CRIPT: variants seen among roughly 807,000 people sequenced by gnomAD.
The protein encoded by CRIPT is CXXC repeat containing interactor of PDZ3 domain.
A neutral mutation model predicts 16.6 loss-of-function variants in CRIPT; 20 were observed. That is an observed-to-expected ratio of 1.20 (90% CI 0.85 to 1.75). The LOEUF (loss-of-function observed/expected upper bound fraction) is 1.75, where lower values mean the gene tolerates loss of function less well. Among genes scored for constraint, CRIPT ranks in the 40% most tolerant of loss-of-function variants. The pLI is 0.00. For synonymous variants in CRIPT, 42 were observed against 37.0 expected (o/e 1.14, Z -0.49); for missense variants, 133 against 115.3 (o/e 1.15, Z -0.70).
At chr2:46,623,057 T>C (rs988415243) in intron 3 of CRIPT, among the ~76,000 whole-genome samples, 4 of 152,158 alleles carry the variant, frequency 2.6e-5, no homozygotes, top group Non-Finnish European at 5.9e-5. Context: ...CATTTTTATA[T>C]AGTGGAAGCC....
At position 46,628,818 on chromosome 2, in the gene CRIPT, G is replaced by T. The variant is rs1671005872; in HGVS notation, c.*4591G>T. Among the ~76,000 whole-genome samples the T allele has an allele frequency of 2.0e-5, 3 of 152,018 alleles. No homozygotes were observed. Among genetic ancestry groups the T allele is most frequent in the Admixed American group, 2.0e-4 (3 of 15,266 alleles). On this transcript the variant is annotated 3_prime_UTR_variant, in exon 5 of 5. Transcript: ENST00000238892. ...ACATGAACATAAAATATTTTTAAAA[G>T]GAAGACATACAAACAGACACTATAA...
intron 1 of CRIPT, 70 bp downstream of exon 1, chr2:46,617,368 T>C: frequency 1.3e-6 from 2 of 1,505,308 alleles, no homozygotes; most frequent in East Asian, 2.5e-5. Context: ...CCGGGAACTT[T>C]GCTTTCTCGT....
chr2:46,627,989 C>T lies in CRIPT; in HGVS notation c.*3762C>T, dbSNP rs80330582. On this transcript the variant is annotated 3_prime_UTR_variant, in exon 5 of 5. Transcript: ENST00000238892. ...GGTCTGTTTTTATATCTGTACCATG[C>T]TGTTTTGGTTACTGTAGCTTCCTTA... is the stretch of plus-strand genomic sequence containing the variant. Among the ~76,000 whole-genome samples, 61 of 151,984 alleles carry T rather than the reference C, an allele frequency of 4.0e-4. No individual in the cohort carries two copies. Among genetic ancestry groups the T allele is most frequent in the African/African-American group, 1.4e-3 (60 of 41,448 alleles).
Position 46,625,944 on chromosome 2 carries a change from T to C in CRIPT, c.*1717T>C, listed in dbSNP as rs1353091594. 2.0e-5 allele frequency among the ~76,000 whole-genome samples: 3 copies of C among 152,210 alleles called. No individual in the cohort carries two copies. The highest frequency in any genetic ancestry group is 2.9e-5 in the Non-Finnish European group (2 of 68,036). On this transcript the variant is annotated 3_prime_UTR_variant, in exon 5 of 5. Transcript: ENST00000238892. ...TTTTTTTTGTTGTTGTTGTTGTTTT[T>C]ATAATTTCAACTTTTATTTTAGATG...
In CRIPT at chr2:46,625,088, T is replaced by C. The variant is rs1670902650; in HGVS notation, c.*861T>C. On this transcript the variant is annotated 3_prime_UTR_variant, in exon 5 of 5. Transcript: ENST00000238892. ...ATTTGTTTGTTTTTTTTTTTTTTTTTTGGATACAAGAGCTCACTCTGTTGC... is the reference window on the plus strand; with the variant it reads ...ATTTGTTTGTTTTTTTTTTTTTTTTCTGGATACAAGAGCTCACTCTGTTGC... The C allele has an allele frequency of 6.7e-6, 1 of 150,062 alleles. No individual in the cohort carries two copies. The highest frequency in any genetic ancestry group is 1.5e-5 in the Non-Finnish European group (1 of 67,582). The allele number at this position is 150,062 out of a possible 1,614,324, so 9.3% of individuals were successfully genotyped here.
rs1670684522 is a variant in CRIPT at position 46,617,316 on chromosome 2, T to G, written c.16+18T>G. ...CGAAAAATGTGAGTTAAGGGGCCGC[T>G]TCTGCGGGAGGAGGAGGCTGGGAGA... On this transcript the variant is annotated intron_variant, in intron 1 of 4. Coordinates refer to ENST00000238892, the MANE Select transcript of CRIPT (RefSeq NM_014171.6). 4 of 1,553,598 alleles carry G rather than the reference T, an allele frequency of 2.6e-6. No homozygotes were observed. Among genetic ancestry groups the G allele is most frequent in the Non-Finnish European group, 3.5e-6 (4 of 1,147,706 alleles).
At chr2:46,619,211 A>AT (rs1670745423) in intron 2 of CRIPT, among the ~76,000 whole-genome samples, 1 of 152,068 alleles carries the variant, frequency 6.6e-6, no homozygotes, top group Non-Finnish European at 1.5e-5. Context: ...GCTTTAACCC[A>AT]TTTTACCTTC....
rs1671030403 is a variant in CRIPT at position 46,629,940 on chromosome 2, TA to T, written c.*5715del. 6.6e-6 allele frequency among the ~76,000 whole-genome samples: 1 copy of T among 152,220 alleles called. No individual in the cohort carries two copies. The highest frequency in any genetic ancestry group is 1.5e-5 in the Non-Finnish European group (1 of 68,028). On this transcript the variant is annotated 3_prime_UTR_variant, in exon 5 of 5. Coordinates refer to ENST00000238892, the MANE Select transcript of CRIPT (RefSeq NM_014171.6). ...GATGTTTCCAAAATTGTGATTGTTC[TA>T]ACTCTATTATTATTTCTGTATTAAT...
At position 46,624,300 on chromosome 2, in the gene CRIPT, A is replaced by G. The variant is rs1670882596; in HGVS notation, c.*73A>G. The G allele has an allele frequency of 2.2e-6, 2 of 923,850 alleles. No homozygotes were observed. Among genetic ancestry groups the G allele is most frequent in the South Asian group, 2.0e-5 (1 of 50,348 alleles). 57.2% of individuals were successfully genotyped at this position (923,850 alleles called of 1,614,324 possible). On this transcript the variant is annotated 3_prime_UTR_variant, in exon 5 of 5. Coordinates refer to ENST00000238892, the MANE Select transcript of CRIPT (RefSeq NM_014171.6). Reference sequence around the variant, plus strand: ...TTGAATTTTCAAGGCATAGATGTCAACTTACAGAATAACATGTTTTAAGAT... The same window carrying G: ...TTGAATTTTCAAGGCATAGATGTCAGCTTACAGAATAACATGTTTTAAGAT...
chr2:46,628,267 A>G lies in CRIPT; in HGVS notation c.*4040A>G, dbSNP rs944666477. On this transcript the variant is annotated 3_prime_UTR_variant, in exon 5 of 5. Coordinates refer to ENST00000238892, the MANE Select transcript of CRIPT (RefSeq NM_014171.6). ...CTGGGATTACAGGAGCCCGCCAACC[A>G]TGCCCAGCTAATTTATGTAATTTTA... is the stretch of plus-strand genomic sequence containing the variant. Among the ~76,000 whole-genome samples, 3 of 151,838 alleles carry G rather than the reference A, an allele frequency of 2.0e-5. No homozygotes were observed. The highest frequency in any genetic ancestry group is 7.3e-5 in the African/African-American group (3 of 41,336).
intron 4 of CRIPT, 73 bp from the exon 5 acceptor site, chr2:46,624,090 A>G: frequency 1.1e-6 from 1 of 914,404 alleles, no homozygotes; most frequent in Non-Finnish European, 1.6e-6. Context: ...ATTATGTTTT[A>G]AGCTTCAGGA....
In CRIPT at chr2:46,629,590, T is replaced by C. The variant is rs1178604016; in HGVS notation, c.*5363T>C. 6.6e-6 allele frequency among the ~76,000 whole-genome samples: 1 copy of C among 152,178 alleles called. No homozygotes were observed. The highest frequency in any genetic ancestry group is 2.4e-5 in the African/African-American group (1 of 41,446). ...AGGACAGCTAAAGGATAGAGTATCCTTCTATTTGGGTTTTTCTGATGTTTC... is the reference window on the plus strand; with the variant it reads ...AGGACAGCTAAAGGATAGAGTATCCCTCTATTTGGGTTTTTCTGATGTTTC... On this transcript the variant is annotated 3_prime_UTR_variant, in exon 5 of 5. Coordinates refer to ENST00000238892, the MANE Select transcript of CRIPT (RefSeq NM_014171.6).
At chr2:46,618,727 T>C in intron 1 of CRIPT, 46 bp from the exon 2 acceptor site, 1 of 1,269,626 alleles carries the variant, frequency 7.9e-7, no homozygotes. Context: ...AATGCACTTA[T>C]TAAATAATAA....
intron 1 of CRIPT, among the ~76,000 whole-genome samples, chr2:46,618,047 CTCCTTTTTGTTCACAGTCCTAT>C (rs1299078299): frequency 2.0e-5 from 3 of 150,330 alleles, no homozygotes; most frequent in Non-Finnish European, 4.4e-5. Flanking sequence ...ATCCTCTTTA[CTCCTTTTTGTTCACAGTCCTAT>C]TGCCACATAT....
rs1670932153 is a variant in CRIPT at position 46,626,081 on chromosome 2, T to C, written c.*1854T>C. 6.6e-6 allele frequency among the ~76,000 whole-genome samples: 1 copy of C among 152,158 alleles called. No homozygotes were observed. Among genetic ancestry groups the C allele is most frequent in the South Asian group, 2.1e-4 (1 of 4,832 alleles). On this transcript the variant is annotated 3_prime_UTR_variant, in exon 5 of 5. Transcript: ENST00000238892. The stretch of plus-strand genomic sequence containing the variant: ...AGCATAGAGTCCAACAGGTGGTTTT[T>C]CACCCCTTCCCTCCCCTCTTCCCTC...
intron 1 of CRIPT, 25 bp downstream of exon 1, chr2:46,617,323 G>C: frequency 1.3e-6 from 2 of 1,553,000 alleles, no homozygotes; most frequent in Non-Finnish European, 1.7e-6. Context: ...CGCTTCTGCG[G>C]GAGGAGGAGG....
chr2:46,618,495 A>G (rs532507825), intron 1 of CRIPT, among the ~76,000 whole-genome samples: 33 of 152,312 alleles, frequency 2.2e-4, no homozygotes, highest in African/African-American at 7.7e-4. Context: ...CTTAGTATAT[A>G]TTTATGGAAC....
At chr2:46,621,011 C>A (rs75887308) in intron 3 of CRIPT, among the ~76,000 whole-genome samples, 1 of 152,108 alleles carries the variant, frequency 6.6e-6, no homozygotes, top group African/African-American at 2.4e-5. Flanking sequence ...CCTGAAACCA[C>A]CTGCTTCTGT....
chr2:46,617,954 A>G (rs1255426298), intron 1 of CRIPT, among the ~76,000 whole-genome samples: 1 of 151,200 alleles, frequency 6.6e-6, no homozygotes, highest in Non-Finnish European at 1.5e-5. Flanking sequence ...CATTTTGACC[A>G]AACAAAATAC....
Sources: allele counts gnomAD v4.1 joint callset (sites outside exome capture counted in the v4.1 genomes callset), GRCh38; gene constraint gnomAD v4.1.1; transcripts MANE v1.5; gene names NCBI Gene and HGNC (gene_info 2026-07-23, HGNC 2026-07-21).